SLC26A7: variants seen among roughly 807,000 people sequenced by gnomAD.
SLC26A7 encodes solute carrier family 26 member 7, also known as anion exchange transporter.
In SLC26A7, 59 loss-of-function variants were observed where a neutral mutation model predicts 82.5. That is an observed-to-expected ratio of 0.72 (90% CI 0.58 to 0.89). The LOEUF (loss-of-function observed/expected upper bound fraction) is 0.89. SLC26A7 is among the 40% of genes least tolerant of loss of function. The pLI is 0.00. For missense variants in SLC26A7, 820 were observed against 793.0 expected, an observed-to-expected ratio of 1.03 and a Z score of -0.41; for synonymous variants, 271 against 274.3, an observed-to-expected ratio of 0.99 and a Z score of 0.12.
In SLC26A7 at chr8:91,318,289, C is replaced by T; in HGVS notation, c.551C>T (p.Thr184Ile). The T allele has an allele frequency of 6.2e-7, 1 of 1,612,470 alleles. No individual in the cohort carries two copies. The highest frequency in any genetic ancestry group is 2.2e-5 in the East Asian group (1 of 44,722). ...VTEPVISAMTTGAATHVVTSQ... is the reference protein window; with the variant it reads ...VTEPVISAMTIGAATHVVTSQ... ...GAGCCTGTGATCAGCGCAATGACAA[C>T]TGGGGCTGCCACCCATGTGGTGACT... is the stretch of plus-strand genomic sequence containing the variant. The change falls in exon 5 of 19, where the codon ACT becomes ATT. Residue 184 changes from threonine to isoleucine, a missense_variant. By Grantham distance (89) the Thr-to-Ile change is moderately conservative (BLOSUM62 -1). Coordinates refer to ENST00000276609, the MANE Select transcript of SLC26A7 (RefSeq NM_052832.4).
intron 4 of SLC26A7, among the ~76,000 whole-genome samples, chr8:91,300,038 A>T (rs887547496): frequency 6.6e-6 from 1 of 152,188 alleles, no homozygotes; most frequent in Admixed American, 6.5e-5. Flanking sequence ...TTCCTTGTAT[A>T]AAAAGAAACT....
chr8:91,346,485 A>G (rs1440720114), intron 9 of SLC26A7, among the ~76,000 whole-genome samples: 1 of 152,200 alleles, frequency 6.6e-6, no homozygotes, highest in Non-Finnish European at 1.5e-5. Context: ...TACTAAATTT[A>G]TATCCCATAA....
chr8:91,286,722 C>G (rs557229886), intron 2 of SLC26A7, among the ~76,000 whole-genome samples: 13 of 152,152 alleles, frequency 8.5e-5, no homozygotes, highest in African/African-American at 3.1e-4. Context: ...AATTTGTTAG[C>G]GACTTATTAA....
chr8:91,212,652 A>G (rs1196222390), intron 1 of SLC26A7, among the ~76,000 whole-genome samples: 1 of 152,158 alleles, frequency 6.6e-6, no homozygotes, highest in Non-Finnish European at 1.5e-5. Context: ...TTAAGATACC[A>G]CTGACATTCA....
intron 11 of SLC26A7, among the ~76,000 whole-genome samples, chr8:91,353,972 G>A (rs1190943532): frequency 6.6e-6 from 1 of 152,044 alleles, no homozygotes; most frequent in Non-Finnish European, 1.5e-5. Flanking sequence ...TAGTTTTGGG[G>A]AAAATAGAGG....
At chr8:91,232,167 C>T (rs1229891566) in intron 2 of SLC26A7, among the ~76,000 whole-genome samples, 1 of 152,146 alleles carries the variant, frequency 6.6e-6, no homozygotes, top group East Asian at 1.9e-4. Flanking sequence ...GACTACTTTC[C>T]TGATAGAAAT....
chr8:91,334,884 T>G (rs1195728722), intron 6 of SLC26A7, among the ~76,000 whole-genome samples: 1 of 152,172 alleles, frequency 6.6e-6, no homozygotes, highest in Non-Finnish European at 1.5e-5. Context: ...TTGAAAGGTT[T>G]TGTTACTTAC....
intron 15 of SLC26A7, among the ~76,000 whole-genome samples, chr8:91,371,438 T>C (rs1814358769): frequency 6.6e-6 from 1 of 151,944 alleles, no homozygotes. Context: ...TTTCTATTTA[T>C]ATGTCCATGT....
intron 8 of SLC26A7, chr8:91,343,116 G>A (rs1230053289): frequency 2.6e-6 from 1 of 385,408 alleles, no homozygotes; most frequent in Non-Finnish European, 4.8e-6. Flanking sequence ...AAAAAAAATA[G>A]TATTTCCCTA....
At chr8:91,338,324 A>T in intron 7 of SLC26A7, 92 bp downstream of exon 7, 1 of 736,726 alleles carries the variant, frequency 1.4e-6, no homozygotes, top group South Asian at 2.5e-5. Flanking sequence ...TGGATATTTC[A>T]TTTCTTAATT....
chr8:91,232,925 G>A (rs1433160020), intron 2 of SLC26A7, among the ~76,000 whole-genome samples: 4 of 152,196 alleles, frequency 2.6e-5, no homozygotes, highest in African/African-American at 9.6e-5. Context: ...ATTTGTGAAA[G>A]CTGGTGATTA....
intron 2 of SLC26A7, among the ~76,000 whole-genome samples, chr8:91,269,130 A>G (rs1811197407): frequency 6.6e-6 from 1 of 152,076 alleles, no homozygotes; most frequent in African/African-American, 2.4e-5. Context: ...ATACACCACA[A>G]TTACAGTATT....
At chr8:91,238,576 T>G (rs537113011) in intron 2 of SLC26A7, among the ~76,000 whole-genome samples, 1 of 148,306 alleles carries the variant, frequency 6.7e-6, no homozygotes, top group Non-Finnish European at 1.5e-5. Flanking sequence ...CACACACACA[T>G]ATATATATAT....
chr8:91,269,385 G>C (rs571309297), intron 2 of SLC26A7, among the ~76,000 whole-genome samples: 2 of 152,160 alleles, frequency 1.3e-5, no homozygotes, highest in Middle Eastern at 3.4e-3. Flanking sequence ...CTTAGACATA[G>C]TGTTCTTGGA....
chr8:91,332,063 T>A (rs1197064861), intron 5 of SLC26A7, among the ~76,000 whole-genome samples: 1 of 150,640 alleles, frequency 6.6e-6, no homozygotes, highest in Non-Finnish European at 1.5e-5. Context: ...TAGTTTTTGT[T>A]CAAACATGAT....
At chr8:91,363,425 A>G in intron 12 of SLC26A7, 47 bp from the exon 13 acceptor site, 1 of 1,203,992 alleles carries the variant, frequency 8.3e-7, no homozygotes, top group South Asian at 1.3e-5. Flanking sequence ...TGTTTATATA[A>G]TGATTAGGAA....
At chr8:91,380,591 C>G (rs1377182088) in intron 15 of SLC26A7, among the ~76,000 whole-genome samples, 1 of 152,016 alleles carries the variant, frequency 6.6e-6, no homozygotes, top group African/African-American at 2.4e-5. Context: ...TATGACATAC[C>G]ATTAAGATAG....
At chr8:91,357,191 G>T (rs1170125444) in intron 11 of SLC26A7, 2 of 152,084 alleles carry the variant, frequency 1.3e-5, no homozygotes, top group African/African-American at 2.4e-5. Flanking sequence ...GCCCCTAAAA[G>T]CTCTTACCAG....
intron 2 of SLC26A7, among the ~76,000 whole-genome samples, chr8:91,280,055 G>A (rs1294629982): frequency 6.6e-6 from 1 of 152,086 alleles, no homozygotes; most frequent in Admixed American, 6.6e-5. Flanking sequence ...CCATTCTGTA[G>A]GTTGTCTCTT....
Sources: allele counts gnomAD v4.1 joint callset (sites outside exome capture counted in the v4.1 genomes callset), GRCh38; gene constraint gnomAD v4.1.1; transcripts MANE v1.5; gene names NCBI Gene and HGNC (gene_info 2026-07-23, HGNC 2026-07-21).